PPRC1: variants seen among roughly 807,000 people sequenced by gnomAD.
PPRC1 encodes peroxisome proliferator-activated receptor gamma coactivator-related protein 1.
A neutral mutation model predicts 132.5 loss-of-function variants in PPRC1; 23 were observed. That is an observed-to-expected ratio of 0.17 (90% CI 0.12 to 0.25). PPRC1 has a LOEUF of 0.25. Among genes scored for constraint, PPRC1 ranks in the 10% least tolerant of loss-of-function variants. PPRC1 has a pLI of 1.00. For missense variants in PPRC1, 2,006 were observed against 2,089.1 expected, an observed-to-expected ratio of 0.96 and a Z score of 0.78; for synonymous variants, 872 against 833.5, an observed-to-expected ratio of 1.05 and a Z score of -0.80.
In PPRC1 at chr10:102,146,944, G is replaced by C. The variant is rs1308484757; in HGVS notation, c.3952G>C (p.Gly1318Arg). Residue 1318 changes from glycine to arginine, a missense_variant, in exon 9 of 14, where the codon GGC becomes CGC. By Grantham distance (125) the Gly-to-Arg change is moderately radical (BLOSUM62 -2). Coordinates refer to ENST00000278070, the MANE Select transcript of PPRC1 (RefSeq NM_015062.5). ...GCCTGCCCTAGTCATTCCAGAGGTG[G>C]GCTCCCGATGGAATGTCAAGCGCCA... ...KMPALVIPEVGSRWNVKRHQD... is the reference protein window; with the variant it reads ...KMPALVIPEVRSRWNVKRHQD... 1.2e-6 allele frequency: 2 copies of C among 1,614,004 alleles called. No homozygotes were observed. Among genetic ancestry groups the C allele is most frequent in the African/African-American group, 2.7e-5 (2 of 74,894 alleles).
chr10:102,127,066 T>TATAA, the PPRC1 span, among the ~76,000 whole-genome samples: 1 of 54,886 alleles, frequency 1.8e-5, no homozygotes, highest in Non-Finnish European at 4.0e-5. Context: ...TATATATATA[T>TATAA]ATAAATTAAA....
At chr10:102,130,457 T>C (rs2068523475), upstream of PPRC1, among the ~76,000 whole-genome samples, 2 of 140,256 alleles carry the variant, frequency 1.4e-5, no homozygotes, top group Admixed American at 7.5e-5. Flanking sequence ...TAAACAGGGC[T>C]GGGCGCAGTG....
intron 1 of PPRC1, among the ~76,000 whole-genome samples, chr10:102,133,620 C>T (rs2068606019): frequency 6.6e-6 from 1 of 151,972 alleles, no homozygotes; most frequent in African/African-American, 2.4e-5. Context: ...TGCCTCCCCT[C>T]CCCCTCTAGG....
At chr10:102,127,025 A>T in the PPRC1 span, among the ~76,000 whole-genome samples, 53 of 8,756 alleles carry the variant, frequency 6.1e-3, no homozygotes, top group Non-Finnish European at 9.8e-3. Flanking sequence ...TTTATCATAT[A>T]TATATATATA....
rs2069306429 is a variant in PPRC1, at chr10:102,147,324, C to T, written c.4332C>T (p.Ser1444=). The T allele has an allele frequency of 6.2e-7, 1 of 1,612,128 alleles. No individual in the cohort carries two copies. The highest frequency in any genetic ancestry group is 8.5e-7 in the Non-Finnish European group (1 of 1,179,986). Reference sequence around the variant, plus strand: ...GGACTAGCGAAGCATCTTCCTCATCCTCATCATCGTCTTCCTCATCCCGAT... The same window carrying T: ...GGACTAGCGAAGCATCTTCCTCATCTTCATCATCGTCTTCCTCATCCCGAT... ...SNRTSEASSS[S]SSSSSSSRSR... is the part of the protein sequence containing the mutation. The change falls in exon 9 of 14, where the codon TCC becomes TCT. Residue 1444 remains serine (S), a synonymous_variant. Transcript: ENST00000278070.
At chr10:102,123,317 A>G in the PPRC1 span, among the ~76,000 whole-genome samples, 59 of 152,192 alleles carry the variant, frequency 3.9e-4, no homozygotes, top group African/African-American at 1.4e-3. Context: ...GAATTGTGGT[A>G]TAGGCAAAAA....
chr10:102,143,154 G>C lies in PPRC1; in HGVS notation c.3550+56G>C, dbSNP rs187894088. 8 of 1,534,152 alleles carry C rather than the reference G, an allele frequency of 5.2e-6. No homozygotes were observed. In the East Asian group the frequency reaches 1.8e-4, roughly 34 times the overall value. ...TCTTTTTTTGGTGATACTTTTTTGG[G>C]CCCAGCCCTGTAGTTGCTTAAACTA... On this transcript the variant is annotated intron_variant, in intron 6 of 13. Coordinates refer to ENST00000278070, the MANE Select transcript of PPRC1 (RefSeq NM_015062.5).
Position 102,147,268 on chromosome 10 carries a change from A to G in PPRC1, c.4276A>G (p.Asn1426Asp), listed in dbSNP as rs369692185. The change falls in exon 9 of 14, where the codon AAC becomes GAC. Residue 1426 changes from asparagine to aspartate, a missense_variant. Transcript: ENST00000278070. ...SQGWQGRRGR[N>D]SRSVSSGSNR... is the part of the protein sequence containing the mutation. ...GGGCTGGCAGGGCCGCCGAGGCCGCAACAGCCGTTCTGTCAGCTCTGGGTC... is the reference window on the plus strand; with the variant it reads ...GGGCTGGCAGGGCCGCCGAGGCCGCGACAGCCGTTCTGTCAGCTCTGGGTC... The G allele has an allele frequency of 2.5e-6, 4 of 1,613,112 alleles. No individual in the cohort carries two copies.
intron 2 of PPRC1, 129 bp downstream of exon 2, chr10:102,138,167 G>A (rs2068795346): frequency 2.1e-6 from 2 of 972,492 alleles, no homozygotes; most frequent in South Asian, 3.6e-5. Context: ...CTGAATCCTT[G>A]AAGTGTATTT....
upstream of PPRC1, chr10:102,132,917 G>T (rs983548559): frequency 3.5e-6 from 4 of 1,127,238 alleles, no homozygotes; most frequent in African/African-American, 3.2e-5. Flanking sequence ...CGAGGCCAGG[G>T]CCTTCTTCCA....
At chr10:102,133,304 G>A (rs933003147) in intron 1 of PPRC1, 83 bp downstream of exon 1, 5 of 1,159,642 alleles carry the variant, frequency 4.3e-6, no homozygotes, top group Non-Finnish European at 5.4e-6. Flanking sequence ...AGGAAAGAGA[G>A]GAAGCGCCTG....
In PPRC1 at chr10:102,138,735, G is replaced by C. The variant is rs748508243; in HGVS notation, c.459G>C (p.Glu153Asp). The change falls in exon 3 of 14, where the codon GAG (glutamate) becomes GAC (aspartate). Residue 153 changes from glutamate to aspartate, a missense_variant. Transcript: ENST00000278070. Reference sequence around the variant, plus strand: ...CATTTGACAGCATTCCTGATTCGGAGCTGCTTGTGTCACCCCGGGAGGGCT... The same window carrying C: ...CATTTGACAGCATTCCTGATTCGGACCTGCTTGTGTCACCCCGGGAGGGCT... ...LSPFDSIPDS[E>D]LLVSPREGSS... 1 of 1,614,186 alleles carries C rather than the reference G, an allele frequency of 6.2e-7. No homozygotes were observed. Among genetic ancestry groups the C allele is most frequent in the South Asian group, 1.1e-5 (1 of 91,088 alleles).
At position 102,140,302 on chromosome 10, in the gene PPRC1, C is replaced by G. The variant is rs1421586806; in HGVS notation, c.1794C>G (p.Gly598=). The G allele has an allele frequency of 1.9e-6, 3 of 1,614,030 alleles. No homozygotes were observed. Among genetic ancestry groups the G allele is most frequent in the Non-Finnish European group, 2.5e-6 (3 of 1,180,002 alleles). Residue 598 remains glycine (G), a synonymous_variant, in exon 5 of 14, where the codon GGC becomes GGG. Transcript: ENST00000278070. ...TTGAAGCTGATCCCACTGCAGTTGG[C>G]CCTGTTCTAGCTGGCCCTGTACCTG... is the stretch of plus-strand genomic sequence containing the variant. ...DSVEADPTAV[G]PVLAGPVPVD... is the part of the protein sequence containing the mutation.
Position 102,141,292 on chromosome 10 carries a change from T to C in PPRC1, c.2784T>C (p.His928=), listed in dbSNP as rs113532623. The change falls in exon 5 of 14, where the codon CAT becomes CAC. Residue 928 remains histidine, a synonymous_variant. Coordinates refer to ENST00000278070, the MANE Select transcript of PPRC1 (RefSeq NM_015062.5). ...APLPSWPCYP[H]VSPSGYPCLP... ...TGCCATCCTGGCCTTGTTATCCTCA[T>C]GTGTCCCCTTCTGGCTATCCTTGCC... The C allele has an allele frequency of 9.0e-5, 146 of 1,614,062 alleles. No individual in the cohort carries two copies. In the African/African-American group the frequency reaches 1.6e-3, roughly 18 times the overall value.
At chr10:102,130,416 CAAAAAAAAAAAA>C (rs1203599289), upstream of PPRC1, among the ~76,000 whole-genome samples, 158 of 15,964 alleles carry the variant, frequency 9.9e-3, 1 homozygote, top group East Asian at 0.24. Context: ...GAATCCTTCT[CAAAAAAAAAAAA>C]AAAAAAAAAA....
At chr10:102,119,993 C>A in the PPRC1 span, 2 of 1,001,072 alleles carry the variant, frequency 2.0e-6, no homozygotes, top group Non-Finnish European at 1.4e-6. Context: ...ATGCCATCGA[C>A]GCCCCCCACA....
chr10:102,120,034 C>T, the PPRC1 span: 1 of 1,372,630 alleles, frequency 7.3e-7, no homozygotes. Flanking sequence ...GGTGAGGGGT[C>T]CGCAGGGACG....
chr10:102,144,336 C>G (rs2069126010), intron 7 of PPRC1, 29 bp downstream of exon 7: 1 of 1,607,132 alleles, frequency 6.2e-7, no homozygotes, highest in Non-Finnish European at 8.5e-7. Context: ...GCGAGTTACC[C>G]TACAGCTGTT....
chr10:102,140,547 C>T lies in PPRC1; in HGVS notation c.2039C>T (p.Pro680Leu). 8 of 1,614,074 alleles carry T rather than the reference C, an allele frequency of 5.0e-6. No individual in the cohort carries two copies. The highest frequency in any genetic ancestry group is 6.8e-6 in the Non-Finnish European group (8 of 1,180,014). ...LVDPVPNDLTPVDPVLVKSRP... is the reference protein window; with the variant it reads ...LVDPVPNDLTLVDPVLVKSRP... ...GACCCTGTTCCTAATGACCTGACTCCAGTTGACCCAGTGCTAGTTAAGTCC... is the reference window on the plus strand; with the variant it reads ...GACCCTGTTCCTAATGACCTGACTCTAGTTGACCCAGTGCTAGTTAAGTCC... Residue 680 changes from proline to leucine, a missense_variant, in exon 5 of 14, where the codon CCA becomes CTA. Physicochemically the swap from Pro to Leu is moderately conservative, Grantham distance 98. This residue lies in a region of PPRC1 where 1,914 missense variants were observed against 1,917.2 expected (regional missense o/e 1.00). Transcript: ENST00000278070.
Sources: allele counts gnomAD v4.1 joint callset (sites outside exome capture counted in the v4.1 genomes callset), GRCh38; gene constraint gnomAD v4.1.1; regional missense constraint gnomAD v4.1.1; transcripts MANE v1.5; gene names NCBI Gene and HGNC (gene_info 2026-07-23, HGNC 2026-07-21).